Variants in TMEM117 observed in about 807,000 individuals in gnomAD.
The protein encoded by TMEM117 is transmembrane protein 117.
In TMEM117, 27 loss-of-function variants were observed where a neutral mutation model predicts 52.4. That is an observed-to-expected ratio of 0.51 (90% CI 0.38 to 0.71). TMEM117 has a LOEUF of 0.71. Ranked by LOEUF, TMEM117 falls within the 30% of genes least tolerant of loss-of-function variation. The pLI is 0.00. For missense variants in TMEM117, 556 were observed against 630.5 expected (o/e 0.88, Z 1.26); for synonymous variants, 215 against 206.3 (o/e 1.04, Z -0.36).
At chr12:44,106,432 G>T (rs559227583) in intron 3 of TMEM117, among the ~76,000 whole-genome samples, 7 of 152,170 alleles carry the variant, frequency 4.6e-5, no homozygotes, top group Non-Finnish European at 8.8e-5. Context: ...AGCTGTTACA[G>T]TTGGTCTTTT....
chr12:44,338,721 A>T (rs1197486975), intron 6 of TMEM117, among the ~76,000 whole-genome samples: 3 of 152,092 alleles, frequency 2.0e-5, no homozygotes, highest in African/African-American at 7.2e-5. Flanking sequence ...CATATTCAAA[A>T]ACCAGCATCA....
rs556396382 is a variant in TMEM117, at chr12:44,048,399, T to A, written c.411-95126T>A. On this transcript the variant is annotated intron_variant, in intron 3 of 7. Coordinates refer to ENST00000266534, the MANE Select transcript of TMEM117 (RefSeq NM_032256.3). ...TCTCTTTTTTCACTTTATTTGCATT[T>A]GTTTTACTGTTATTTTTGTAAATTT... Among the ~76,000 whole-genome samples the A allele has an allele frequency of 2.3e-4, 35 of 152,306 alleles. 1 individual carries two copies. The East Asian group carries it at 2.5e-3, about 11-fold the overall frequency.
intron 5 of TMEM117, among the ~76,000 whole-genome samples, chr12:44,280,357 G>A (rs1224046420): frequency 6.6e-6 from 1 of 152,128 alleles, no homozygotes; most frequent in Non-Finnish European, 1.5e-5. Flanking sequence ...TCTAGAAACT[G>A]TGGAAATATC....
chr12:44,252,339 A>G (rs1950206028), intron 5 of TMEM117, among the ~76,000 whole-genome samples: 4 of 152,230 alleles, frequency 2.6e-5, no homozygotes, highest in Admixed American at 2.0e-4. Context: ...ACCCCGTCCT[A>G]TTAAAAATAC....
intron 6 of TMEM117, among the ~76,000 whole-genome samples, chr12:44,332,376 T>C (rs1051479356): frequency 1.3e-5 from 2 of 152,044 alleles, no homozygotes; most frequent in African/African-American, 4.8e-5. Flanking sequence ...AGTCTTTGGG[T>C]TATGCCAAAT....
intron 2 of TMEM117, among the ~76,000 whole-genome samples, chr12:43,889,305 A>ACTCCTGAC (rs1944059089): frequency 6.6e-6 from 1 of 151,176 alleles, no homozygotes; most frequent in Admixed American, 6.6e-5. Context: ...CAGGTCTTGA[A>ACTCCTGAC]CTCCTGACCT....
chr12:44,169,078 A>G (rs1176005681), intron 4 of TMEM117, among the ~76,000 whole-genome samples: 2 of 152,166 alleles, frequency 1.3e-5, no homozygotes, highest in Non-Finnish European at 2.9e-5. Flanking sequence ...TATGTATACT[A>G]AATTTTGTTT....
rs941262 is a variant in TMEM117 at position 44,375,260 on chromosome 12, A to G, written c.769-1335A>G. Among the ~76,000 whole-genome samples, 1,236 of 152,290 alleles carry G rather than the reference A, an allele frequency of 8.1e-3. 12 individuals are homozygous for G. The highest frequency in any genetic ancestry group is 0.029 in the African/African-American group (1,199 of 41,576). ...TTGGGTTTTATGAACCTCCCAAATT[A>G]CCTGTCTATTTGCTGCTGATGTCTG... On this transcript the variant is annotated intron_variant, in intron 6 of 7. Transcript: ENST00000266534.
At chr12:44,209,634 C>T (rs1381308026) in intron 4 of TMEM117, among the ~76,000 whole-genome samples, 1 of 151,978 alleles carries the variant, frequency 6.6e-6, no homozygotes, top group Admixed American at 6.6e-5. Context: ...TTATTGTAGG[C>T]CCTATGTTAG....
intron 5 of TMEM117, among the ~76,000 whole-genome samples, chr12:44,292,689 A>G (rs551181190): frequency 6.6e-6 from 1 of 151,888 alleles, no homozygotes; most frequent in Admixed American, 6.5e-5. Flanking sequence ...ATACTTTCTG[A>G]TTTCCCTTTT....
intron 3 of TMEM117, among the ~76,000 whole-genome samples, chr12:44,106,095 C>A (rs1464702450): frequency 6.6e-6 from 1 of 152,032 alleles, no homozygotes; most frequent in African/African-American, 2.4e-5. Context: ...AGGGTTTCTT[C>A]TAAGTTGCAA....
intron 2 of TMEM117, among the ~76,000 whole-genome samples, chr12:43,847,930 G>T (rs144999308): frequency 1.3e-5 from 2 of 152,096 alleles, no homozygotes; most frequent in Non-Finnish European, 2.9e-5. Context: ...CAGCTGGGCC[G>T]CCAGGGGTGA....
In TMEM117 at chr12:44,388,823, T is replaced by A. The variant is rs1952133298; in HGVS notation, c.*151T>A. 1.2e-6 allele frequency: 1 copy of A among 821,162 alleles called. No individual in the cohort carries two copies. The highest frequency in any genetic ancestry group is 1.8e-5 in the South Asian group (1 of 54,118). 50.9% of individuals were successfully genotyped at this position (821,162 alleles called of 1,614,324 possible). ...GGTGCTCAACATGCTTTTTCTAGGA[T>A]TCATTGTTTTCTATTTGTATTATAA... On this transcript the variant is annotated 3_prime_UTR_variant, in exon 8 of 8. Coordinates refer to ENST00000266534, the MANE Select transcript of TMEM117 (RefSeq NM_032256.3).
At chr12:44,360,431 C>T (rs1193087689) in intron 6 of TMEM117, among the ~76,000 whole-genome samples, 1 of 151,594 alleles carries the variant, frequency 6.6e-6, no homozygotes, top group African/African-American at 2.4e-5. Context: ...AAAAATTAGC[C>T]GGGTGTGGTG....
At chr12:44,251,174 C>G (rs999062448) in intron 5 of TMEM117, among the ~76,000 whole-genome samples, 2 of 151,956 alleles carry the variant, frequency 1.3e-5, no homozygotes, top group East Asian at 3.9e-4. Flanking sequence ...CACTACAAAG[C>G]CCAGGGATTC....
chr12:43,934,632 A>G, intron 2 of TMEM117, among the ~76,000 whole-genome samples: 1 of 151,930 alleles, frequency 6.6e-6, no homozygotes, highest in South Asian at 2.1e-4. Flanking sequence ...TGAATTTCAC[A>G]TTGTAATCTT....
At chr12:44,040,465 G>C (rs1946779052) in intron 3 of TMEM117, among the ~76,000 whole-genome samples, 1 of 152,054 alleles carries the variant, frequency 6.6e-6, no homozygotes, top group Non-Finnish European at 1.5e-5. Flanking sequence ...TTATAGGAAT[G>C]CAGCTAACTT....
At position 44,076,260 on chromosome 12, in the gene TMEM117, G is replaced by T. The variant is rs1873670; in HGVS notation, c.411-67265G>T. 1.2e-4 allele frequency among the ~76,000 whole-genome samples: 19 copies of T among 152,292 alleles called. No individual in the cohort carries two copies. The East Asian group carries it at 3.5e-3, about 28-fold the overall frequency. On this transcript the variant is annotated intron_variant, in intron 3 of 7. Coordinates refer to ENST00000266534, the MANE Select transcript of TMEM117 (RefSeq NM_032256.3). ...AAATTTGGGTTATTGATAACATTAA[G>T]AACTATATTGTATTGTGAGTGTCTG...
rs531638748 is a variant in TMEM117 at position 44,373,701 on chromosome 12, C to T, written c.769-2894C>T. ...TGGAACCTAGATAGATTCAGAATAC[C>T]GTCCCAAATCTCTCTGCTTTCTACC... is the stretch of plus-strand genomic sequence containing the variant. On this transcript the variant is annotated intron_variant, in intron 6 of 7. Coordinates refer to ENST00000266534, the MANE Select transcript of TMEM117 (RefSeq NM_032256.3). Among the ~76,000 whole-genome samples the T allele has an allele frequency of 1.4e-4, 21 of 151,426 alleles. No individual in the cohort carries two copies. In the South Asian group the frequency reaches 3.6e-3, roughly 26 times the overall value.
Sources: allele counts gnomAD v4.1 joint callset (sites outside exome capture counted in the v4.1 genomes callset), GRCh38; gene constraint gnomAD v4.1.1; transcripts MANE v1.5; gene names NCBI Gene and HGNC (gene_info 2026-07-23, HGNC 2026-07-21).